Variants in NTNG1 observed in about 807,000 individuals in gnomAD.
The protein encoded by NTNG1 is netrin G1, also known as netrin-G1.
A neutral mutation model predicts 54.0 loss-of-function variants in NTNG1; 16 were observed. The observed-to-expected ratio is 0.30, with a 90% CI of 0.20 to 0.45. The LOEUF (loss-of-function observed/expected upper bound fraction) is 0.45. Among genes scored for constraint, NTNG1 ranks in the 20% least tolerant of loss-of-function variants. NTNG1 has a pLI of 1.00. For missense variants in NTNG1, 530 were observed against 678.7 expected (o/e 0.78, Z 2.43); for synonymous variants, 255 against 263.1 (o/e 0.97, Z 0.30).
chr1:107,285,554 T>C (rs1665140595), intron 2 of NTNG1, among the ~76,000 whole-genome samples: 1 of 152,140 alleles, frequency 6.6e-6, no homozygotes, highest in African/African-American at 2.4e-5. Context: ...ATAAGGCAGC[T>C]TTTTAATATA....
chr1:107,389,687 C>T (rs1342206113), intron 3 of NTNG1, among the ~76,000 whole-genome samples: 1 of 152,202 alleles, frequency 6.6e-6, no homozygotes, highest in Non-Finnish European at 1.5e-5. Flanking sequence ...ATCACTTGCA[C>T]ACAAGTAGAT....
At chr1:107,331,174 A>C (rs1337483994) in intron 3 of NTNG1, among the ~76,000 whole-genome samples, 1 of 151,986 alleles carries the variant, frequency 6.6e-6, no homozygotes, top group Non-Finnish European at 1.5e-5. Flanking sequence ...TTTCACGGCA[A>C]ACCTTAGGCT....
At chr1:107,256,944 C>G (rs543240094) in intron 2 of NTNG1, among the ~76,000 whole-genome samples, 1 of 152,214 alleles carries the variant, frequency 6.6e-6, no homozygotes, top group Admixed American at 6.5e-5. Context: ...ACTGAGTTGG[C>G]TTCCATTTCT....
At chr1:107,353,014 C>A (rs1669719286) in intron 3 of NTNG1, among the ~76,000 whole-genome samples, 1 of 152,198 alleles carries the variant, frequency 6.6e-6, no homozygotes, top group Non-Finnish European at 1.5e-5. Context: ...GGTTTTTGGG[C>A]CTCAGATGAG....
chr1:107,172,641 C>A (rs1656335875), intron 2 of NTNG1, among the ~76,000 whole-genome samples: 1 of 152,080 alleles, frequency 6.6e-6, no homozygotes, highest in African/African-American at 2.4e-5. Context: ...TTAAGACATT[C>A]TTGGGCTGTG....
intron 5 of NTNG1, among the ~76,000 whole-genome samples, chr1:107,428,416 C>T (rs921933553): frequency 1.3e-5 from 2 of 151,964 alleles, no homozygotes; most frequent in African/African-American, 4.8e-5. Context: ...AATAAGCTTC[C>T]AGGCCACAAG....
intron 3 of NTNG1, among the ~76,000 whole-genome samples, chr1:107,359,174 G>A (rs747531955): frequency 6.6e-6 from 1 of 152,184 alleles, no homozygotes; most frequent in Non-Finnish European, 1.5e-5. Context: ...GGTCACTGAT[G>A]TGTGAGCCTC....
intron 2 of NTNG1, among the ~76,000 whole-genome samples, chr1:107,215,036 T>C (rs976859754): frequency 6.6e-6 from 1 of 152,190 alleles, no homozygotes; most frequent in Admixed American, 6.6e-5. Flanking sequence ...ATTAGTCCTT[T>C]GTCTGATGTA....
chr1:107,466,998 A>G (rs897962946), intron 7 of NTNG1, among the ~76,000 whole-genome samples: 9 of 152,166 alleles, frequency 5.9e-5, no homozygotes, highest in Non-Finnish European at 8.8e-5. Flanking sequence ...ATTCCTCTGG[A>G]TATTAGGAAA....
At chr1:107,269,243 G>C (rs1663965556) in intron 2 of NTNG1, among the ~76,000 whole-genome samples, 1 of 152,092 alleles carries the variant, frequency 6.6e-6, no homozygotes, top group Non-Finnish European at 1.5e-5. Context: ...AAGGGCCTTT[G>C]CACTTGCTAT....
intron 2 of NTNG1, among the ~76,000 whole-genome samples, chr1:107,252,957 G>A (rs767041675): frequency 1.3e-5 from 2 of 152,172 alleles, no homozygotes; most frequent in Admixed American, 6.5e-5. Flanking sequence ...TCCTGTCACC[G>A]TCTTTACTGG....
At chr1:107,453,707 C>G (rs1054618013) in intron 7 of NTNG1, among the ~76,000 whole-genome samples, 6 of 152,148 alleles carry the variant, frequency 3.9e-5, no homozygotes, top group African/African-American at 1.4e-4. Flanking sequence ...CACATAAAAA[C>G]TCTCATGTTG....
In NTNG1 at chr1:107,266,333, CG is replaced by C. The variant is rs200679837; in HGVS notation, c.247-57946del. On this transcript the variant is annotated intron_variant, in intron 2 of 7. Coordinates refer to ENST00000370068, the MANE Select transcript of NTNG1 (RefSeq NM_001113226.3). ...TAGATTTAATTGGCTCATGGTTCTG[CG>C]GGCTGTACAGGAAGCAAGGCTGGGG... is the stretch of plus-strand genomic sequence containing the variant. Among the ~76,000 whole-genome samples, 1,334 of 152,198 alleles carry C rather than the reference CG, an allele frequency of 8.8e-3. 12 individuals are homozygous for C. Among genetic ancestry groups the C allele is most frequent in the Middle Eastern group, 0.017 (5 of 294 alleles).
At chr1:107,407,219 C>T (rs1271160971) in intron 4 of NTNG1, among the ~76,000 whole-genome samples, 1 of 152,102 alleles carries the variant, frequency 6.6e-6, no homozygotes, top group African/African-American at 2.4e-5. Context: ...CTAACACATG[C>T]ATCTCATAAC....
chr1:107,453,580 G>C (rs1360497794), intron 7 of NTNG1, among the ~76,000 whole-genome samples: 1 of 152,156 alleles, frequency 6.6e-6, no homozygotes, highest in African/African-American at 2.4e-5. Context: ...CATAAGCCTG[G>C]ATTTCTTCTA....
At chr1:107,354,468 C>CAAAAA (rs398049560) in intron 3 of NTNG1, among the ~76,000 whole-genome samples, 13 of 66,098 alleles carry the variant, frequency 2.0e-4, no homozygotes, top group East Asian at 4.7e-4. Flanking sequence ...GACTCCATCT[C>CAAAAA]AAAAAAAAAA....
At chr1:107,457,654 T>C (rs191317393) in intron 7 of NTNG1, among the ~76,000 whole-genome samples, 1 of 152,246 alleles carries the variant, frequency 6.6e-6, no homozygotes, top group Non-Finnish European at 1.5e-5. Flanking sequence ...ATTTTTTAAG[T>C]TTTTTATAAC....
intron 2 of NTNG1, among the ~76,000 whole-genome samples, chr1:107,288,926 GT>G (rs2101754930): frequency 6.6e-6 from 1 of 152,184 alleles, no homozygotes; most frequent in East Asian, 1.9e-4. Context: ...GTCAAGATAA[GT>G]TTTTTATACA....
chr1:107,156,916 A>G (rs1458495883), intron 2 of NTNG1, among the ~76,000 whole-genome samples: 2 of 152,230 alleles, frequency 1.3e-5, no homozygotes, highest in African/African-American at 4.8e-5. Flanking sequence ...TAAGCTGAAG[A>G]TGAGTAAATT....
Sources: allele counts gnomAD v4.1 joint callset (sites outside exome capture counted in the v4.1 genomes callset), GRCh38; gene constraint gnomAD v4.1.1; transcripts MANE v1.5; gene names NCBI Gene and HGNC (gene_info 2026-07-23, HGNC 2026-07-21).